Variants in DIAPH2 observed in about 807,000 individuals in gnomAD.
DIAPH2 encodes protein diaphanous homolog 2.
Under a neutral mutation model 92.7 loss-of-function variants are expected in DIAPH2, and 35 were observed. The observed-to-expected ratio is 0.38, with a 90% confidence interval of 0.29 to 0.50. DIAPH2 has a LOEUF of 0.50. DIAPH2 is among the 20% of genes least tolerant of loss of function. The probability of loss-of-function intolerance (pLI) is 0.94; values close to 1 mark genes in which losing one functional copy is unlikely to be tolerated. For synonymous variants in DIAPH2, 301 were observed against 280.4 expected (o/e 1.07, Z -0.73); for missense variants, 701 against 819.5 (o/e 0.86, Z 1.77).
chrX:96,837,830 C>T (rs1295908189), intron 4 of DIAPH2, among the ~76,000 whole-genome samples: 1 of 111,845 alleles, frequency 8.9e-6, no homozygotes, highest in Non-Finnish European at 1.9e-5. Flanking sequence ...GCTTTTGGAA[C>T]TTATTTCCCA....
intron 26 of DIAPH2, among the ~76,000 whole-genome samples, chrX:97,434,494 C>T (rs186988230): frequency 1.5e-3 from 166 of 108,126 alleles, no homozygotes; most frequent in African/African-American, 5.4e-3. Flanking sequence ...CTGCAACCTC[C>T]GCCTCCCAGG....
chrX:96,975,970 A>C (rs1660047391), intron 17 of DIAPH2, among the ~76,000 whole-genome samples: 1 of 108,251 alleles, frequency 9.2e-6, no homozygotes, highest in Non-Finnish European at 1.9e-5. Context: ...CCTGTACATA[A>C]TTTCTTTTCT....
In DIAPH2 at chrX:96,805,229, A is replaced by ACG. The variant is rs1483717400; in HGVS notation, c.447+46972_447+46973insGC. ...TTTATACACACACACACATACACAC[A>ACG]CATATATATACACATACATATATAA... is the stretch of plus-strand genomic sequence containing the variant. On this transcript the variant is annotated intron_variant, in intron 4 of 26. Coordinates refer to ENST00000324765, the MANE Select transcript of DIAPH2 (RefSeq NM_006729.5). Among the ~76,000 whole-genome samples, 44 of 111,252 alleles carry ACG rather than the reference A, an allele frequency of 4.0e-4. 1 individual carries two copies. The highest frequency in any genetic ancestry group is 1.3e-3 in the African/African-American group (41 of 30,631).
chrX:96,951,220 A>G (rs1442116638), intron 15 of DIAPH2, among the ~76,000 whole-genome samples: 5 of 111,685 alleles, frequency 4.5e-5, no homozygotes, highest in African/African-American at 1.6e-4. Flanking sequence ...GTTGGCATAC[A>G]TTATTCTCTG....
intron 23 of DIAPH2, among the ~76,000 whole-genome samples, chrX:97,272,591 A>G (rs1019557992): frequency 2.7e-5 from 3 of 111,852 alleles, no homozygotes; most frequent in African/African-American, 6.5e-5. Flanking sequence ...AGATTTGGAT[A>G]GTGCTAGGCC....
chrX:96,839,834 G>A (rs1175970516), intron 4 of DIAPH2, among the ~76,000 whole-genome samples: 1 of 111,655 alleles, frequency 9.0e-6, no homozygotes, highest in African/African-American at 3.2e-5. Context: ...CTACAAAGAT[G>A]CAAGAACTAG....
intron 23 of DIAPH2, among the ~76,000 whole-genome samples, chrX:97,293,722 T>C (rs1219562206): frequency 8.9e-6 from 1 of 111,952 alleles, no homozygotes; most frequent in East Asian, 2.8e-4. Flanking sequence ...TAGGTGTTTA[T>C]TTCTTTTTGT....
At position 97,487,989 on chromosome X, in the gene DIAPH2, T is replaced by A. The variant is rs143241184; in HGVS notation, c.3241+58244T>A. On this transcript the variant is annotated intron_variant, in intron 26 of 26. Transcript: ENST00000324765. ...TTGGGAGCTTTTTTGTTTTTTATTT[T>A]GTTTTGTTTCATTTTGTTTTTGAGA... Among the ~76,000 whole-genome samples the A allele has an allele frequency of 3.5e-3, 395 of 112,290 alleles. 1 individual carries two copies. The highest frequency in any genetic ancestry group is 0.012 in the African/African-American group (380 of 30,923).
At chrX:96,766,232 CAT>C (rs890677680) in intron 4 of DIAPH2, among the ~76,000 whole-genome samples, 40 of 106,297 alleles carry the variant, frequency 3.8e-4, no homozygotes, top group African/African-American at 1.3e-3. Flanking sequence ...TATATATACA[CAT>C]ATATATATAT....
chrX:96,954,308 A>G (rs1602660054), intron 15 of DIAPH2: 1 of 112,605 alleles, frequency 8.9e-6, no homozygotes, highest in Non-Finnish European at 1.9e-5. Flanking sequence ...TTTATAATGA[A>G]CAGCTCTACT....
rs755673752 is a variant in DIAPH2 at position 96,906,983 on chromosome X, A to G, written c.588-5345A>G. 8.1e-5 allele frequency among the ~76,000 whole-genome samples: 9 copies of G among 111,425 alleles called. No homozygotes were observed. The South Asian group carries it at 3.5e-3, about 43-fold the overall frequency. On this transcript the variant is annotated intron_variant, in intron 5 of 26. Coordinates refer to ENST00000324765, the MANE Select transcript of DIAPH2 (RefSeq NM_006729.5). ...AAACATTAATCTTCCTGACTGGTCT[A>G]TTGTTTTTGTTTGGGTGGTTCATTT... is the stretch of plus-strand genomic sequence containing the variant.
intron 19 of DIAPH2, among the ~76,000 whole-genome samples, chrX:97,080,371 G>C (rs905201151): frequency 9.2e-6 from 1 of 108,733 alleles, no homozygotes; most frequent in African/African-American, 3.4e-5. Context: ...ACAGCTCCTG[G>C]ATGCCTCCAT....
chrX:96,746,583 T>G (rs2064151703), intron 3 of DIAPH2, among the ~76,000 whole-genome samples: 1 of 110,815 alleles, frequency 9.0e-6, no homozygotes, highest in African/African-American at 3.3e-5. Flanking sequence ...AGATGGAGTC[T>G]TGCTGTGTCC....
At chrX:96,920,117 G>T (rs762865999) in intron 9 of DIAPH2, among the ~76,000 whole-genome samples, 23 of 110,573 alleles carry the variant, frequency 2.1e-4, no homozygotes, top group Admixed American at 1.9e-3. Flanking sequence ...CTGACCTCAG[G>T]TCATCCGCCC....
chrX:97,441,707 T>TCA (rs2070260535), intron 26 of DIAPH2, among the ~76,000 whole-genome samples: 1 of 110,577 alleles, frequency 9.0e-6, no homozygotes, highest in African/African-American at 3.3e-5. Context: ...TCCCAGCTAC[T>TCA]GGAGGCTGAG....
intron 22 of DIAPH2, among the ~76,000 whole-genome samples, chrX:97,205,374 A>C (rs1161176510): frequency 8.9e-6 from 1 of 112,097 alleles, no homozygotes; most frequent in Non-Finnish European, 1.9e-5. Context: ...AACTAGCATC[A>C]GAGTGAATAG....
chrX:97,234,813 A>G (rs1183657406), intron 22 of DIAPH2, among the ~76,000 whole-genome samples: 1 of 112,071 alleles, frequency 8.9e-6, no homozygotes, highest in Admixed American at 9.5e-5. Flanking sequence ...TGGCCTGCAG[A>G]CAGTAGTTCA....
At chrX:97,244,310 A>G (rs1487407877) in intron 22 of DIAPH2, among the ~76,000 whole-genome samples, 1 of 112,147 alleles carries the variant, frequency 8.9e-6, no homozygotes, top group Non-Finnish European at 1.9e-5. Flanking sequence ...GTGCATAGCA[A>G]TTTGATTAGG....
intron 26 of DIAPH2, among the ~76,000 whole-genome samples, chrX:97,505,264 TTAGGCC>T (rs2070824536): frequency 8.9e-6 from 1 of 112,031 alleles, no homozygotes; most frequent in Non-Finnish European, 1.9e-5. Context: ...ACCAGTCATG[TTAGGCC>T]ATGCTGCTGA....
Sources: allele counts gnomAD v4.1 joint callset (sites outside exome capture counted in the v4.1 genomes callset), GRCh38; gene constraint gnomAD v4.1.1; transcripts MANE v1.5; gene names NCBI Gene and HGNC (gene_info 2026-07-23, HGNC 2026-07-21).